Variants in GNAI1 observed in about 807,000 individuals in gnomAD.
The protein encoded by GNAI1 is G protein subunit alpha i1, also known as guanine nucleotide-binding protein G(i) subunit alpha-1.
A neutral mutation model predicts 38.9 loss-of-function variants in GNAI1; 11 were observed. The observed-to-expected ratio is 0.28, with a 90% CI of 0.18 to 0.47. GNAI1 has a LOEUF of 0.47. Ranked by LOEUF, GNAI1 falls within the 20% of genes least tolerant of loss-of-function variation. The pLI is 0.99. For synonymous variants in GNAI1, 166 were observed against 145.1 expected, an observed-to-expected ratio of 1.14 and a Z score of -1.04; for missense variants, 317 against 436.9, an observed-to-expected ratio of 0.73 and a Z score of 2.45.
chr7:80,189,813 A>C (rs1280943328), intron 3 of GNAI1, among the ~76,000 whole-genome samples: 2 of 152,116 alleles, frequency 1.3e-5, no homozygotes, highest in African/African-American at 4.8e-5. Context: ...AGGAAATTAC[A>C]TGGTACAGAG....
At chr7:80,197,424 G>A (rs1788597433) in intron 3 of GNAI1, among the ~76,000 whole-genome samples, 1 of 151,886 alleles carries the variant, frequency 6.6e-6, no homozygotes, top group Non-Finnish European at 1.5e-5. Context: ...GAGGGCATTA[G>A]TCTTTTTTTG....
At chr7:80,205,706 A>G (rs1788763590) in intron 5 of GNAI1, among the ~76,000 whole-genome samples, 1 of 152,270 alleles carries the variant, frequency 6.6e-6, no homozygotes, top group South Asian at 2.1e-4. Context: ...AATACCAAAC[A>G]GAATTTTTTA....
Position 80,135,458 on chromosome 7 carries a change from C to T in GNAI1, c.118+180C>T, listed in dbSNP as rs1193682880. 26 of 418,846 alleles carry T rather than the reference C, an allele frequency of 6.2e-5. 1 individual carries two copies. The East Asian group carries it at 9.4e-4, about 15-fold the overall frequency. The allele number at this position is 418,846 out of a possible 1,614,324, so 25.9% of individuals were successfully genotyped here. On this transcript the variant is annotated intron_variant, in intron 1 of 7. Transcript: ENST00000649796. ...GTCCCCCTCTCCCGGTGTCTGGTCT[C>T]TCTCCGCCCCGGCGGGCGAGGACTC...
At chr7:80,168,984 AC>A (rs1788058971) in intron 1 of GNAI1, among the ~76,000 whole-genome samples, 2 of 152,212 alleles carry the variant, frequency 1.3e-5, no homozygotes, top group African/African-American at 4.8e-5. Context: ...CCAGAAACTT[AC>A]GCTTCATTTT....
At chr7:80,145,256 C>G (rs1185864403) in intron 1 of GNAI1, among the ~76,000 whole-genome samples, 3 of 152,148 alleles carry the variant, frequency 2.0e-5, no homozygotes, top group Admixed American at 1.3e-4. Context: ...TTTGCAGTCA[C>G]TCTTTAAATT....
intron 1 of GNAI1, among the ~76,000 whole-genome samples, chr7:80,169,834 C>T (rs769789735): frequency 1.3e-5 from 2 of 152,136 alleles, no homozygotes; most frequent in Non-Finnish European, 2.9e-5. Flanking sequence ...CTTCTCATTT[C>T]CCACAAAACC....
chr7:80,145,721 AT>A (rs1412964796), intron 1 of GNAI1, among the ~76,000 whole-genome samples: 8 of 152,254 alleles, frequency 5.3e-5, no homozygotes, highest in South Asian at 2.1e-4. Flanking sequence ...AGCTTCAGCT[AT>A]TTATGGTGTC....
intron 1 of GNAI1, among the ~76,000 whole-genome samples, chr7:80,156,114 C>T (rs2116114343): frequency 6.6e-6 from 1 of 151,708 alleles, no homozygotes; most frequent in Non-Finnish European, 1.5e-5. Context: ...GCCTCTCTTC[C>T]TCGTGAAATT....
chr7:80,140,881 A>G (rs1447508786), intron 1 of GNAI1, among the ~76,000 whole-genome samples: 2 of 152,190 alleles, frequency 1.3e-5, no homozygotes, highest in Non-Finnish European at 2.9e-5. Flanking sequence ...TGGAGATTCT[A>G]GAGGAGAATC....
intron 1 of GNAI1, among the ~76,000 whole-genome samples, chr7:80,145,745 C>T (rs962740062): frequency 6.6e-6 from 1 of 152,090 alleles, no homozygotes; most frequent in African/African-American, 2.4e-5. Context: ...GACTCTGTCT[C>T]GAGGTAAATT....
chr7:80,137,270 A>T (rs1437985302), intron 1 of GNAI1, among the ~76,000 whole-genome samples: 1 of 141,516 alleles, frequency 7.1e-6, no homozygotes, highest in Non-Finnish European at 1.5e-5. Context: ...AAATTATGGA[A>T]TTCTTATTTC....
At chr7:80,166,474 A>AG (rs1343962682) in intron 1 of GNAI1, among the ~76,000 whole-genome samples, 1 of 152,204 alleles carries the variant, frequency 6.6e-6, no homozygotes, top group Non-Finnish European at 1.5e-5. Context: ...ATAATCATAA[A>AG]GTAGACATAA....
At chr7:80,197,922 AT>A (rs1562840254) in intron 3 of GNAI1, among the ~76,000 whole-genome samples, 3 of 152,112 alleles carry the variant, frequency 2.0e-5, no homozygotes, top group African/African-American at 4.8e-5. Flanking sequence ...AATGTGTGCC[AT>A]CACTTTATAA....
intron 1 of GNAI1, among the ~76,000 whole-genome samples, chr7:80,181,970 A>G (rs1788301879): frequency 6.6e-6 from 1 of 152,088 alleles, no homozygotes; most frequent in Admixed American, 6.6e-5. Context: ...TGTACAGTGG[A>G]TCTCTACAAC....
chr7:80,209,924 C>T (rs1375403839), intron 5 of GNAI1, among the ~76,000 whole-genome samples: 1 of 152,104 alleles, frequency 6.6e-6, no homozygotes, highest in Non-Finnish European at 1.5e-5. Context: ...ATGGTACCAG[C>T]TAAGCCAAAA....
chr7:80,163,561 G>A (rs1787960306), intron 1 of GNAI1, among the ~76,000 whole-genome samples: 1 of 152,150 alleles, frequency 6.6e-6, no homozygotes, highest in Non-Finnish European at 1.5e-5. Flanking sequence ...TTGAGTCCAA[G>A]TTCTGTGTTT....
At chr7:80,203,652 C>G (rs1384213810) in intron 4 of GNAI1, 52 bp from the exon 5 acceptor site, 2 of 1,185,988 alleles carry the variant, frequency 1.7e-6, no homozygotes, top group African/African-American at 1.6e-5. Context: ...TTTGGATGAT[C>G]TTTATTGGCT....
At chr7:80,188,872 G>T (rs1788432316) in intron 1 of GNAI1, 79 bp from the exon 2 acceptor site, 2 of 819,996 alleles carry the variant, frequency 2.4e-6, no homozygotes, top group Non-Finnish European at 4.2e-6. Flanking sequence ...GTGTGTGTGT[G>T]TGTGTTTGTG....
At chr7:80,217,226 G>GTATGAAACTGACTTCAGTTTCATATT in intron 7 of GNAI1, 77 bp from the exon 8 acceptor site, 3 of 947,128 alleles carry the variant, frequency 3.2e-6, no homozygotes, top group Non-Finnish European at 3.1e-6. Flanking sequence ...AGTTTCATAT[G>GTATGAAACTGACTTCAGTTTCATATT]TATGAAACTG....
Sources: gnomAD v4.1 joint callset for allele counts (sites outside exome capture counted in the v4.1 genomes callset) on GRCh38, gnomAD v4.1.1 for gene constraint, MANE v1.5 for transcripts, NCBI Gene and HGNC (gene_info 2026-07-23, HGNC 2026-07-21) for gene names.